The following HOXC6 variants were observed in gnomAD, a reference collection of about 807,000 sequenced individuals.
The protein encoded by HOXC6 is homeobox C6.
A neutral mutation model predicts 24.0 loss-of-function variants in HOXC6; 10 were observed. That is an observed-to-expected ratio of 0.42 (90% CI 0.26 to 0.71). HOXC6 has a LOEUF of 0.71. Ranked by LOEUF, HOXC6 falls within the 30% of genes least tolerant of loss-of-function variation. The pLI is 0.28. For synonymous variants in HOXC6, 123 were observed against 128.1 expected (o/e 0.96, Z 0.27); for missense variants, 258 against 303.4 (o/e 0.85, Z 1.11).
chr12:54,029,847 A>G lies in HOXC6; in HGVS notation c.593A>G (p.Lys198Arg), dbSNP rs1940913196. ...WFQNRRMKWK[K>R]ESNLTSTLSG... ...CAGAACCGCCGGATGAAGTGGAAAA[A>G]AGAATCTAATCTCACATCCACTCTC... Residue 198 changes from lysine to arginine, a missense_variant, in exon 2 of 2, where the codon AAA (lysine) becomes AGA (arginine). By Grantham distance (26) the Lys-to-Arg change is conservative. Transcript: ENST00000243108. The G allele has an allele frequency of 6.2e-7, 1 of 1,614,056 alleles. No individual in the cohort carries two copies. Among genetic ancestry groups the G allele is most frequent in the African/African-American group, 1.3e-5 (1 of 74,994 alleles).
chr12:54,029,588 A>C lies in HOXC6; in HGVS notation c.401-67A>C. The C allele has an allele frequency of 2.6e-6, 4 of 1,525,908 alleles. 1 individual carries two copies. The East Asian group carries it at 9.1e-5, about 35-fold the overall frequency. 94.5% of individuals were successfully genotyped at this position (1,525,908 alleles called of 1,614,324 possible). A position where few individuals can be genotyped will look rare whatever the true frequency, so the allele number is the denominator to read the frequency against. ...AGGTTGGGAGGGTCAGGACTTTGCT[A>C]GGCGAAACAGTCTGCAGAGGACGCT... On this transcript the variant is annotated intron_variant, in intron 1 of 1. Transcript: ENST00000243108.
At chr12:54,026,976 GA>G (rs1169653867), upstream of HOXC6, among the ~76,000 whole-genome samples, 1 of 143,184 alleles carries the variant, frequency 7.0e-6, no homozygotes, top group African/African-American at 2.6e-5. Context: ...GGGGGGGGGG[GA>G]TATGAGCTTT....
At chr12:54,023,779 G>C (rs1040865622), upstream of HOXC6, among the ~76,000 whole-genome samples, 1 of 152,130 alleles carries the variant, frequency 6.6e-6, no homozygotes, top group Non-Finnish European at 1.5e-5. Context: ...TTTTTGGAAT[G>C]CGGTGTGTGT....
chr12:54,028,617 T>G lies in HOXC6; in HGVS notation c.96T>G (p.Asp32Glu), dbSNP rs1195849615. Residue 32 changes from aspartate to glutamate, a missense_variant, in exon 1 of 2, where the codon GAT (aspartate) becomes GAG (glutamate). Asp to Glu is a conservative substitution (Grantham distance 45). Coordinates refer to ENST00000243108, the MANE Select transcript of HOXC6 (RefSeq NM_004503.4). The stretch of plus-strand genomic sequence containing the variant: ...TCGCCCTCAATTCCACCGCCTATGA[T>G]CCAGTGAGGCATTTCTCGACCTATG... Reference protein sequence around the residue: ...PNVALNSTAYDPVRHFSTYGA... With the variant: ...PNVALNSTAYEPVRHFSTYGA... The G allele has an allele frequency of 7.4e-6, 12 of 1,614,022 alleles. No homozygotes were observed. The African/African-American group carries it at 9.3e-5, about 13-fold the overall frequency.
Position 54,029,874 on chromosome 12 carries a change from C to CG in HOXC6, c.626dup (p.Gly210ArgfsTer63), listed in dbSNP as rs765056816. On this transcript the variant is annotated frameshift_variant, in exon 2 of 2. Transcript: ENST00000243108. LOFTEE classifies it high-confidence loss of function. ...GAATCTAATCTCACATCCACTCTCT[C>CG]GGGGGGCGGCGGAGGGGCCACCGCC... is the stretch of plus-strand genomic sequence containing the variant. 1.2e-6 allele frequency: 2 copies of CG among 1,612,370 alleles called. No homozygotes were observed. The highest frequency in any genetic ancestry group is 2.2e-5 in the East Asian group (1 of 44,840).
chr12:54,024,364 G>A (rs879396467), upstream of HOXC6, among the ~76,000 whole-genome samples: 3 of 152,132 alleles, frequency 2.0e-5, no homozygotes, highest in African/African-American at 4.8e-5. Flanking sequence ...GCCTCAGGAG[G>A]CACCGAGCTG....
upstream of HOXC6, among the ~76,000 whole-genome samples, chr12:54,026,357 C>T (rs992319001): frequency 8.5e-5 from 13 of 152,188 alleles, no homozygotes; most frequent in African/African-American, 3.1e-4. Flanking sequence ...CTCAGGCATG[C>T]CATGAATTCG....
chr12:54,024,330 C>T (rs764946006), upstream of HOXC6, among the ~76,000 whole-genome samples: 5 of 152,146 alleles, frequency 3.3e-5, no homozygotes, highest in Non-Finnish European at 5.9e-5. Flanking sequence ...AGTCCTGAGG[C>T]TCCAGTGCTT....
At chr12:54,020,389 G>A (rs1345288282) in intron 1 of HOXC6, 2 of 152,228 alleles carry the variant, frequency 1.3e-5, no homozygotes. Context: ...TGTATTTCAT[G>A]TGCTGGTTCC....
chr12:54,029,111 C>G (rs928888084), intron 1 of HOXC6, among the ~76,000 whole-genome samples, 190 bp downstream of exon 1: 1 of 152,002 alleles, frequency 6.6e-6, no homozygotes, highest in Non-Finnish European at 1.5e-5. Context: ...GGGCCTGGCC[C>G]CCTTGGCCCC....
At chr12:54,024,935 T>C (rs1181357046), upstream of HOXC6, among the ~76,000 whole-genome samples, 1 of 152,252 alleles carries the variant, frequency 6.6e-6, no homozygotes, top group Non-Finnish European at 1.5e-5. Flanking sequence ...TGGCAATTTT[T>C]CCCTTGTATT....
At chr12:54,021,608 C>G (rs954467232) in intron 1 of HOXC6, 1 of 152,280 alleles carries the variant, frequency 6.6e-6, no homozygotes, top group African/African-American at 2.4e-5. Context: ...TCCCAAGACT[C>G]TTGTCCAGAC....
At chr12:54,029,030 T>A in intron 1 of HOXC6, 109 bp downstream of exon 1, 1 of 1,064,784 alleles carries the variant, frequency 9.4e-7, no homozygotes, top group Non-Finnish European at 1.3e-6. Flanking sequence ...ATAAAAACAA[T>A]CACGCTCGTC....
upstream of HOXC6, among the ~76,000 whole-genome samples, chr12:54,023,792 C>T (rs736825): frequency 2.6e-5 from 4 of 151,900 alleles, no homozygotes; most frequent in South Asian, 2.1e-4. Context: ...GTGTGTGTAG[C>T]GGGGGCAGGT....
At chr12:54,026,963 G>GT (rs1491358924), upstream of HOXC6, among the ~76,000 whole-genome samples, 2 of 83,494 alleles carry the variant, frequency 2.4e-5, no homozygotes, top group African/African-American at 4.2e-5. Context: ...CCCAAAAATG[G>GT]TGGGGGGGGG....
rs1940924079 is a variant in HOXC6, at chr12:54,030,053, C to T, written c.*91C>T. Reference sequence around the variant, plus strand: ...ACACACTCTGTATTTATCACTGGCACAATTGATGTGTTTTGATTCCCTAAA... The same window carrying T: ...ACACACTCTGTATTTATCACTGGCATAATTGATGTGTTTTGATTCCCTAAA... On this transcript the variant is annotated 3_prime_UTR_variant, in exon 2 of 2. Coordinates refer to ENST00000243108, the MANE Select transcript of HOXC6 (RefSeq NM_004503.4). The T allele has an allele frequency of 8.0e-7, 1 of 1,251,800 alleles. No homozygotes were observed. The highest frequency in any genetic ancestry group is 1.1e-6 in the Non-Finnish European group (1 of 920,556). 77.5% of individuals were successfully genotyped at this position (1,251,800 alleles called of 1,614,324 possible). A position where few individuals can be genotyped will look rare whatever the true frequency, so the allele number is the denominator to read the frequency against.
Position 54,028,604 on chromosome 12 carries a change from C to T in HOXC6, c.83C>T (p.Ser28Phe). ...QDVLPNVALNSTAYDPVRHFS... is the reference protein window; with the variant it reads ...QDVLPNVALNFTAYDPVRHFS... ...GTCCTCCCCAACGTCGCCCTCAATTCCACCGCCTATGATCCAGTGAGGCAT... is the reference window on the plus strand; with the variant it reads ...GTCCTCCCCAACGTCGCCCTCAATTTCACCGCCTATGATCCAGTGAGGCAT... The change falls in exon 1 of 2, where the codon TCC becomes TTC. Residue 28 changes from serine (S) to phenylalanine (F), a missense_variant. Ser to Phe is a radical substitution (Grantham distance 155). Transcript: ENST00000243108. 1 of 1,614,128 alleles carries T rather than the reference C, an allele frequency of 6.2e-7. No individual in the cohort carries two copies. The highest frequency in any genetic ancestry group is 8.5e-7 in the Non-Finnish European group (1 of 1,180,020).
chr12:54,029,468 G>T (rs977437609), intron 1 of HOXC6, among the ~76,000 whole-genome samples, 187 bp from the exon 2 acceptor site: 2 of 141,512 alleles, frequency 1.4e-5, no homozygotes. Context: ...CTTATAGGAG[G>T]TCTGAAGTTG....
intron 1 of HOXC6, chr12:54,019,883 T>A (rs1312597296): frequency 2.0e-5 from 3 of 152,028 alleles, no homozygotes; most frequent in Non-Finnish European, 4.4e-5. Context: ...CCCCATCCTA[T>A]GCCCTTCACC....
Sources: gnomAD v4.1 joint callset for allele counts (sites outside exome capture counted in the v4.1 genomes callset) on GRCh38, gnomAD v4.1.1 for gene constraint, MANE v1.5 for transcripts, NCBI Gene and HGNC (gene_info 2026-07-23, HGNC 2026-07-21) for gene names.